ARID1B: variants seen among roughly 807,000 people sequenced by gnomAD.
ARID1B encodes the protein AT-rich interactive domain-containing protein 1B.
ARID1B carries 30 observed loss-of-function variants against 212.3 expected under a neutral mutation model. That is an observed-to-expected ratio of 0.14 (90% CI 0.11 to 0.19). The LOEUF (loss-of-function observed/expected upper bound fraction) is 0.19, where lower values mean the gene tolerates loss of function less well. Ranked by LOEUF, ARID1B falls within the 10% of genes least tolerant of loss-of-function variation. The probability of loss-of-function intolerance (pLI) is 1.00; values close to 1 mark genes in which losing one functional copy is unlikely to be tolerated. For missense variants in ARID1B, 2,891 were observed against 3,204.0 expected (o/e 0.90, Z 2.36); for synonymous variants, 1,402 against 1,301.7 (o/e 1.08, Z -1.66).
chr6:157,054,031 C>T (rs1182175771), intron 4 of ARID1B, among the ~76,000 whole-genome samples: 4 of 152,148 alleles, frequency 2.6e-5, no homozygotes, highest in Non-Finnish European at 5.9e-5. Flanking sequence ...TCGAGACCAG[C>T]CTGACCAACA....
At chr6:157,031,300 G>A (rs1781003185) in intron 4 of ARID1B, among the ~76,000 whole-genome samples, 1 of 152,166 alleles carries the variant, frequency 6.6e-6, no homozygotes, top group Non-Finnish European at 1.5e-5. Context: ...TAATGGAATA[G>A]GTTGTAGTTG....
intron 5 of ARID1B, among the ~76,000 whole-genome samples, chr6:157,093,519 G>A (rs985860499): frequency 2.0e-5 from 3 of 152,114 alleles, no homozygotes; most frequent in Non-Finnish European, 2.9e-5. Context: ...AATTGGTTTC[G>A]GCATGAGACA....
chr6:157,044,328 T>G (rs2128536864), intron 4 of ARID1B, among the ~76,000 whole-genome samples: 1 of 138,222 alleles, frequency 7.2e-6, no homozygotes, highest in Non-Finnish European at 1.6e-5. Context: ...AGGATCATAT[T>G]TGGCAGTGAC....
At chr6:156,800,880 GAAA>G (rs1194204911) in intron 1 of ARID1B, among the ~76,000 whole-genome samples, 3 of 152,088 alleles carry the variant, frequency 2.0e-5, no homozygotes, top group Non-Finnish European at 4.4e-5. Context: ...GGGAGATAGA[GAAA>G]GACCGTGTCT....
At chr6:156,909,157 G>A (rs1270949814) in intron 3 of ARID1B, among the ~76,000 whole-genome samples, 6 of 118,946 alleles carry the variant, frequency 5.0e-5, no homozygotes, top group African/African-American at 1.7e-4. Context: ...ACAGAGCCTC[G>A]CTCTGTCGCC....
At chr6:156,853,993 C>T (rs1384870586) in intron 2 of ARID1B, among the ~76,000 whole-genome samples, 1 of 152,164 alleles carries the variant, frequency 6.6e-6, no homozygotes, top group Non-Finnish European at 1.5e-5. Context: ...TGGCTTCTCA[C>T]AGTGCTGGGA....
intron 4 of ARID1B, among the ~76,000 whole-genome samples, chr6:157,017,349 A>G (rs374494968): frequency 2.6e-5 from 4 of 152,368 alleles, no homozygotes; most frequent in African/African-American, 9.6e-5. Context: ...TGAGCTACTC[A>G]AGAGTAATAC....
intron 1 of ARID1B, among the ~76,000 whole-genome samples, chr6:156,799,146 T>A (rs1179831756): frequency 1.4e-5 from 2 of 145,390 alleles, no homozygotes; most frequent in Non-Finnish European, 3.1e-5. Flanking sequence ...TCAATTGTTT[T>A]GCTGTTGTAG....
intron 5 of ARID1B, among the ~76,000 whole-genome samples, chr6:157,093,084 T>C (rs1486377015): frequency 1.3e-5 from 2 of 150,182 alleles, no homozygotes; most frequent in Non-Finnish European, 3.0e-5. Flanking sequence ...CCTTCTCCCT[T>C]CGCTGAGAAT....
At chr6:157,077,432 C>G (rs1382294877) in intron 4 of ARID1B, among the ~76,000 whole-genome samples, 6 of 152,188 alleles carry the variant, frequency 3.9e-5, no homozygotes, top group Non-Finnish European at 8.8e-5. Context: ...CAGCCTGCCT[C>G]TGCCAGGCTC....
chr6:156,941,248 G>A (rs1382591728), intron 4 of ARID1B: 1 of 152,322 alleles, frequency 6.6e-6, no homozygotes, highest in East Asian at 1.9e-4. Context: ...TAAAATGGAA[G>A]CCTCCTGTGC....
intron 4 of ARID1B, chr6:156,940,109 T>C (rs114489724): frequency 3.9e-5 from 6 of 152,208 alleles, no homozygotes; most frequent in African/African-American, 1.2e-4. Context: ...GTATTTCAGA[T>C]AGGAGGTTCA....
At chr6:157,069,358 CCT>C (rs1279260697) in intron 4 of ARID1B, among the ~76,000 whole-genome samples, 2 of 152,138 alleles carry the variant, frequency 1.3e-5, no homozygotes, top group Non-Finnish European at 2.9e-5. Flanking sequence ...CTGTTTATGG[CCT>C]CTCATTGTCA....
In ARID1B at chr6:157,056,536, G is replaced by A. The variant is rs552182199; in HGVS notation, c.2248-28126G>A. Among the ~76,000 whole-genome samples, 8 of 152,318 alleles carry A rather than the reference G, an allele frequency of 5.3e-5. No homozygotes were observed. In the South Asian group the frequency reaches 8.3e-4, roughly 16 times the overall value. ...TGCACTTCTGGGGTGGGTGGAGGAT[G>A]TGCTGCGTTTCTGTTTTCAGTGCTG... is the stretch of plus-strand genomic sequence containing the variant. On this transcript the variant is annotated intron_variant, in intron 4 of 19. Coordinates refer to ENST00000636930, the MANE Select transcript of ARID1B (RefSeq NM_001374828.1).
chr6:156,826,388 T>G (rs1782742408), intron 1 of ARID1B, among the ~76,000 whole-genome samples: 1 of 152,258 alleles, frequency 6.6e-6, no homozygotes, highest in African/African-American at 2.4e-5. Flanking sequence ...ACATCTGCTG[T>G]GTTGCACTGT....
At chr6:156,877,402 C>T (rs904082833) in intron 2 of ARID1B, among the ~76,000 whole-genome samples, 4 of 152,154 alleles carry the variant, frequency 2.6e-5, no homozygotes, top group African/African-American at 7.2e-5. Context: ...TGTACTGTTG[C>T]CTGTGGACCC....
intron 3 of ARID1B, among the ~76,000 whole-genome samples, chr6:156,912,052 A>G (rs1204156933): frequency 1.3e-5 from 2 of 152,176 alleles, no homozygotes; most frequent in Admixed American, 6.5e-5. Flanking sequence ...CTTTATTTGT[A>G]TTTTCTAAAT....
At chr6:156,943,991 A>G (rs546533388) in intron 4 of ARID1B, 20 of 152,298 alleles carry the variant, frequency 1.3e-4, no homozygotes, top group Non-Finnish European at 2.4e-4. Context: ...CTGAATGCCA[A>G]CAGGGCAGAC....
intron 3 of ARID1B, among the ~76,000 whole-genome samples, chr6:156,913,464 G>C (rs1790076694): frequency 6.6e-6 from 1 of 151,936 alleles, no homozygotes; most frequent in Non-Finnish European, 1.5e-5. Context: ...TGATCTGCCT[G>C]CCTCAGCCTC....
Sources: gnomAD v4.1 joint callset for allele counts (sites outside exome capture counted in the v4.1 genomes callset) on GRCh38, gnomAD v4.1.1 for gene constraint, MANE v1.5 for transcripts, NCBI Gene and HGNC (gene_info 2026-07-23, HGNC 2026-07-21) for gene names.